Variants in INO80 observed in about 807,000 individuals in gnomAD.
INO80 encodes the protein INO80 complex ATPase subunit.
In INO80, 20 loss-of-function variants were observed where a neutral mutation model predicts 203.4. The ratio of observed to expected loss-of-function variants is 0.10; its 90% CI spans 0.07 to 0.14. The LOEUF is 0.14. Ranked by LOEUF, INO80 falls within the 10% of genes least tolerant of loss-of-function variation. The pLI, the probability that INO80 is intolerant of heterozygous loss-of-function variation, is 1.00. For synonymous variants in INO80, 726 were observed against 685.2 expected, an observed-to-expected ratio of 1.06 and a Z score of -0.93; for missense variants, 1,419 against 1,914.4, an observed-to-expected ratio of 0.74 and a Z score of 4.83.
chr15:41,058,125 A>G (rs1399509260), intron 16 of INO80, among the ~76,000 whole-genome samples: 1 of 152,140 alleles, frequency 6.6e-6, no homozygotes, highest in Non-Finnish European at 1.5e-5. Context: ...TCTACCTCCT[A>G]CTTAGAACTC....
At chr15:40,984,608 C>T (rs1893952282) in intron 32 of INO80, among the ~76,000 whole-genome samples, 1 of 148,240 alleles carries the variant, frequency 6.7e-6, no homozygotes, top group Non-Finnish European at 1.5e-5. Flanking sequence ...TACTTGAGCC[C>T]AGAAATTGGA....
At chr15:41,008,878 G>C (rs2044090814) in intron 27 of INO80, among the ~76,000 whole-genome samples, 1 of 152,118 alleles carries the variant, frequency 6.6e-6, no homozygotes, top group African/African-American at 2.4e-5. Context: ...CTGTTGCCCA[G>C]GCTGGAGCGC....
chr15:41,006,229 T>C (rs1440195827), intron 27 of INO80, among the ~76,000 whole-genome samples: 1 of 152,204 alleles, frequency 6.6e-6, no homozygotes, highest in Non-Finnish European at 1.5e-5. Context: ...TGGCAGAGAA[T>C]GTTCTTGACA....
At chr15:41,059,755 G>C in intron 15 of INO80, 112 bp downstream of exon 15, 1 of 665,744 alleles carries the variant, frequency 1.5e-6, no homozygotes, top group Non-Finnish European at 2.5e-6. Context: ...TCAGTGTCCA[G>C]AAATATATAA....
intron 7 of INO80, 54 bp from the exon 8 acceptor site, chr15:41,081,127 T>TGTTC: frequency 8.9e-7 from 1 of 1,129,660 alleles, no homozygotes; most frequent in Non-Finnish European, 1.3e-6. Flanking sequence ...GAACTAAGAC[T>TGTTC]ATGTAGAATG....
In INO80 at chr15:41,058,697, G is replaced by A. The variant is rs1303472312; in HGVS notation, c.1927C>T (p.Arg643Trp). The A allele has an allele frequency of 1.9e-6, 3 of 1,613,666 alleles. No homozygotes were observed. Among genetic ancestry groups the A allele is most frequent in the South Asian group, 1.1e-5 (1 of 91,070 alleles). Residue 643 changes from arginine (R) to tryptophan (W), a missense_variant, in exon 16 of 36, where the codon CGG becomes TGG. Arg to Trp is a moderately radical substitution (Grantham distance 101). Around this residue, in one of 9 missense-constraint regions of INO80, gnomAD observed 192 missense variants for 406.7 expected, o/e 0.47. Coordinates refer to ENST00000648947, the MANE Select transcript of INO80 (RefSeq NM_017553.3). ...AGTACCATGTATTGCCACTTGACCC[G>A]CTGGAAATACTTTACATCCTGCACC... Reference protein sequence around the residue: ...LVVQDVKYFQRVKWQYMVLDE... With the variant: ...LVVQDVKYFQWVKWQYMVLDE...
intron 28 of INO80, among the ~76,000 whole-genome samples, chr15:41,001,510 T>G: frequency 6.6e-6 from 1 of 152,162 alleles, no homozygotes; most frequent in Non-Finnish European, 1.5e-5. Flanking sequence ...CTACAGTCAC[T>G]TTTTCCTCAT....
intron 11 of INO80, among the ~76,000 whole-genome samples, 174 bp from the exon 12 acceptor site, chr15:41,072,232 A>G (rs1054306169): frequency 6.6e-6 from 1 of 152,096 alleles, no homozygotes; most frequent in East Asian, 1.9e-4. Context: ...TCTATAAAAC[A>G]TATTACTAAT....
At chr15:41,082,392 C>T (rs1194318796) in intron 7 of INO80, among the ~76,000 whole-genome samples, 1 of 151,352 alleles carries the variant, frequency 6.6e-6, no homozygotes, top group Non-Finnish European at 1.5e-5. Context: ...AGTGAGACCT[C>T]GTCTCTATAA....
chr15:41,009,462 T>C (rs1014896678), intron 27 of INO80, among the ~76,000 whole-genome samples: 1 of 143,972 alleles, frequency 6.9e-6, no homozygotes, highest in Non-Finnish European at 1.5e-5. Context: ...AATTCCCACC[T>C]ATGAGTGAGA....
intron 26 of INO80, among the ~76,000 whole-genome samples, chr15:41,020,220 CA>C (rs1440135848): frequency 6.2e-5 from 9 of 144,874 alleles, no homozygotes; most frequent in South Asian, 2.2e-4. Context: ...GACTCCATCT[CA>C]AAAAAAAAAG....
intron 24 of INO80, among the ~76,000 whole-genome samples, chr15:41,036,156 GAA>G (rs369185302): frequency 1.5e-3 from 48 of 32,126 alleles, no homozygotes; most frequent in South Asian, 4.3e-3. Context: ...ACTCTCTCTC[GAA>G]AAAAAAAAAA....
intron 29 of INO80, among the ~76,000 whole-genome samples, chr15:40,988,734 A>T (rs1008955633): frequency 1.4e-4 from 21 of 151,964 alleles, no homozygotes; most frequent in African/African-American, 4.6e-4. Context: ...ACAAAAACTA[A>T]CCAGGCTTGG....
intron 1 of INO80, among the ~76,000 whole-genome samples, chr15:41,102,353 A>C (rs954086346): frequency 1.3e-5 from 2 of 151,974 alleles, no homozygotes. Context: ...TTACCTATAG[A>C]TTTCATTTCA....
rs748525965 is a variant in INO80, at chr15:41,038,011, C to CTTTTTTTT, written c.2907+6885_2907+6892dup. 1.2e-4 allele frequency among the ~76,000 whole-genome samples: 11 copies of CTTTTTTTT among 89,792 alleles called. 1 individual carries two copies. The highest frequency in any genetic ancestry group is 2.2e-4 in the African/African-American group (5 of 22,732). The allele number at this position is 89,792 out of a possible 152,430, so 58.9% of individuals were successfully genotyped here. On this transcript the variant is annotated intron_variant, in intron 24 of 35. Coordinates refer to ENST00000648947, the MANE Select transcript of INO80 (RefSeq NM_017553.3). ...GCCTCTCTTGCCCCTCTTCCCTTTT[C>CTTTTTTTT]TTTTTTTTTTTTTTTTTTTTTGAGA...
Position 41,083,604 on chromosome 15 carries a change from C to T in INO80, c.873+1765G>A, listed in dbSNP as rs528753510. On this transcript the variant is annotated intron_variant, in intron 7 of 35. Coordinates refer to ENST00000648947, the MANE Select transcript of INO80 (RefSeq NM_017553.3). The stretch of plus-strand genomic sequence containing the variant: ...ACCTGTAGTCCCAGCTACTCAGCTA[C>T]TTGGGAGGCAGAAGTGGGAGAATCG... 8.0e-5 allele frequency among the ~76,000 whole-genome samples: 12 copies of T among 150,114 alleles called. No individual in the cohort carries two copies. In the East Asian group the frequency reaches 2.2e-3, roughly 27 times the overall value.
chr15:41,021,795 C>A (rs1211483049), intron 25 of INO80, among the ~76,000 whole-genome samples: 1 of 152,332 alleles, frequency 6.6e-6, no homozygotes, highest in Middle Eastern at 3.4e-3. Flanking sequence ...AAATTCTTAT[C>A]TCAATACAAG....
intron 24 of INO80, among the ~76,000 whole-genome samples, chr15:41,041,431 CTT>C (rs201157790): frequency 7.1e-5 from 10 of 141,618 alleles, no homozygotes; most frequent in Admixed American, 2.1e-4. Flanking sequence ...GCTTCTAGTT[CTT>C]TTTTTTTTTT....
rs57822538 is a variant in INO80, at chr15:40,999,020, A to AC, written c.3498-1420_3498-1419insG. On this transcript the variant is annotated intron_variant, in intron 28 of 35. Transcript: ENST00000648947. ...CACACACACACACACACACACACAC[A>AC]AATAAGGGCTCAGTTTGGTGCTTTA... Among the ~76,000 whole-genome samples, 11 of 151,500 alleles carry AC rather than the reference A, an allele frequency of 7.3e-5. 1 individual carries two copies. The highest frequency in any genetic ancestry group is 3.3e-4 in the Admixed American group (5 of 15,194).
Sources: gnomAD v4.1 joint callset for allele counts (sites outside exome capture counted in the v4.1 genomes callset) on GRCh38, gnomAD v4.1.1 for gene constraint, gnomAD v4.1.1 regional missense constraint, MANE v1.5 for transcripts, NCBI Gene and HGNC (gene_info 2026-07-23, HGNC 2026-07-21) for gene names.